Variants in SND1 observed in about 807,000 individuals in gnomAD.
SND1 encodes the protein staphylococcal nuclease domain-containing protein 1.
SND1 carries 38 observed loss-of-function variants against 121.7 expected under a neutral mutation model. The ratio of observed to expected loss-of-function variants is 0.31; its 90% CI spans 0.24 to 0.41. The LOEUF is 0.41. Ranked by LOEUF, SND1 falls within the 10% of genes least tolerant of loss-of-function variation. The pLI is 1.00. For missense variants in SND1, 868 were observed against 1,184.6 expected (o/e 0.73, Z 3.92); for synonymous variants, 401 against 447.4 (o/e 0.90, Z 1.31).
At chr7:127,806,733 G>T (rs1023896106) in intron 10 of SND1, among the ~76,000 whole-genome samples, 3 of 152,318 alleles carry the variant, frequency 2.0e-5, no homozygotes, top group South Asian at 4.1e-4. Context: ...GCAGAGGCAG[G>T]TGGATCATTT....
At chr7:128,032,377 G>A (rs1792651704) in intron 16 of SND1, among the ~76,000 whole-genome samples, 2 of 151,450 alleles carry the variant, frequency 1.3e-5, no homozygotes, top group Non-Finnish European at 3.0e-5. Context: ...GCGGGGCCAG[G>A]GCGAGCGGGC....
intron 11 of SND1, among the ~76,000 whole-genome samples, chr7:127,832,523 G>A (rs1459817295): frequency 2.6e-5 from 4 of 152,216 alleles, no homozygotes; most frequent in Admixed American, 6.5e-5. Context: ...AGATCTGCAC[G>A]TGATAGATCT....
intron 9 of SND1, among the ~76,000 whole-genome samples, chr7:127,714,458 AT>A (rs368767850): frequency 2.0e-5 from 3 of 152,176 alleles, no homozygotes; most frequent in Admixed American, 1.3e-4. Flanking sequence ...GTCTCTGAGA[AT>A]TTTTTTCCTC....
At position 128,086,959 on chromosome 7, in the gene SND1, C is replaced by T. The variant is rs781306917; in HGVS notation, c.2326C>T (p.Arg776Cys). The change falls in exon 21 of 24, where the codon CGC becomes TGC. Residue 776 changes from arginine to cysteine, a missense_variant. This residue lies in a region of SND1 where 743 missense variants were observed against 1,071.3 expected (regional missense o/e 0.69). Coordinates refer to ENST00000354725, the MANE Select transcript of SND1 (RefSeq NM_014390.4). Reference protein sequence around the residue: ...YGNREVLPSTRLGTLSPAFST... With the variant: ...YGNREVLPSTCLGTLSPAFST... Reference sequence around the variant, plus strand: ...GCAGAGAGAGGTCCTGCCATCCACCCGCCTGGGTACCCTATCACCTGCCTT... The same window carrying T: ...GCAGAGAGAGGTCCTGCCATCCACCTGCCTGGGTACCCTATCACCTGCCTT... 25 of 1,614,056 alleles carry T rather than the reference C, an allele frequency of 1.5e-5. No homozygotes were observed. The highest frequency in any genetic ancestry group is 1.8e-5 in the Non-Finnish European group (21 of 1,180,034).
chr7:127,930,980 G>T (rs1337462015), intron 15 of SND1, among the ~76,000 whole-genome samples: 4 of 152,060 alleles, frequency 2.6e-5, no homozygotes, highest in African/African-American at 9.7e-5. Flanking sequence ...TATTATATCT[G>T]TTATGGTGAT....
In SND1 at chr7:128,052,486, C is replaced by T. The variant is rs914139135; in HGVS notation, c.1780-22016C>T. 6.6e-6 allele frequency among the ~76,000 whole-genome samples: 1 copy of T among 152,244 alleles called. No individual in the cohort carries two copies. The highest frequency in any genetic ancestry group is 6.5e-5 in the Admixed American group (1 of 15,288). On this transcript the variant is annotated intron_variant, in intron 16 of 23. Coordinates refer to ENST00000354725, the MANE Select transcript of SND1 (RefSeq NM_014390.4). The surrounding 1 kb of genome is among the most constrained non-coding windows in gnomAD (Gnocchi z 4.6). ...CTCCTTTTCCCCATTGGTGCAATCT[C>T]CTCCTAGCAGCATCTGCTGAAAGGG...
intron 17 of SND1, among the ~76,000 whole-genome samples, chr7:128,080,582 A>G (rs1793581638): frequency 6.6e-6 from 1 of 152,214 alleles, no homozygotes; most frequent in South Asian, 2.1e-4. Context: ...GTCCTGCAGA[A>G]TTCAGAGTGC....
At chr7:127,783,992 G>A (rs890147143) in intron 10 of SND1, among the ~76,000 whole-genome samples, 3 of 152,214 alleles carry the variant, frequency 2.0e-5, no homozygotes, top group Non-Finnish European at 4.4e-5. Flanking sequence ...ACATCTAATG[G>A]ATATTCCAAG....
chr7:128,028,735 C>G (rs1792477855), intron 16 of SND1: 1 of 1,613,950 alleles, frequency 6.2e-7, no homozygotes, highest in African/African-American at 1.3e-5. Context: ...ATATAAGGTT[C>G]AGAGATAGTG....
chr7:127,753,154 TC>T (rs1224169885), intron 10 of SND1, among the ~76,000 whole-genome samples: 24 of 152,328 alleles, frequency 1.6e-4, no homozygotes, highest in Admixed American at 1.1e-3. Flanking sequence ...CAGTGCCTGC[TC>T]TTGGATAATG....
intron 17 of SND1, among the ~76,000 whole-genome samples, chr7:128,076,145 A>G (rs1793503104): frequency 2.0e-5 from 3 of 152,128 alleles, no homozygotes. Flanking sequence ...TCTACCCTCT[A>G]AGAGTAGAGA....
At chr7:127,858,097 T>TC in intron 12 of SND1, 1 of 931,622 alleles carries the variant, frequency 1.1e-6, no homozygotes, top group Non-Finnish European at 1.8e-6. Context: ...GGTCTCCAGT[T>TC]CCCCCTCTGC....
intron 3 of SND1, among the ~76,000 whole-genome samples, chr7:127,695,902 A>G (rs1225365736): frequency 6.6e-6 from 1 of 152,180 alleles, no homozygotes; most frequent in Admixed American, 6.5e-5. Context: ...GCTGGGCCAG[A>G]TGCTTCATGG....
At chr7:127,775,716 A>G (rs1797607553) in intron 10 of SND1, among the ~76,000 whole-genome samples, 1 of 152,000 alleles carries the variant, frequency 6.6e-6, no homozygotes, top group African/African-American at 2.4e-5. Flanking sequence ...TGTTGGTGCT[A>G]GTGAGACTTC....
At chr7:127,854,538 CTATTTATT>C (rs59447282) in intron 12 of SND1, among the ~76,000 whole-genome samples, 40,139 of 145,300 alleles carry the variant, frequency 0.28, 6,783 homozygotes, top group East Asian at 0.64. Context: ...TACTAGCATT[CTATTTATT>C]TATTTATTTA....
chr7:127,834,045 G>A (rs1271480713), intron 11 of SND1, among the ~76,000 whole-genome samples: 1 of 151,718 alleles, frequency 6.6e-6, no homozygotes, highest in Non-Finnish European at 1.5e-5. Context: ...TTTTAAAGCT[G>A]AATAACATTC....
chr7:127,790,869 T>C (rs1378823806), intron 10 of SND1, among the ~76,000 whole-genome samples: 1 of 152,190 alleles, frequency 6.6e-6, no homozygotes, highest in Admixed American at 6.5e-5. Flanking sequence ...CAGTCACATC[T>C]AGGCAGGAGA....
intron 16 of SND1, among the ~76,000 whole-genome samples, chr7:128,040,345 A>G (rs1562879035): frequency 6.8e-6 from 1 of 146,016 alleles, no homozygotes; most frequent in Non-Finnish European, 1.5e-5. Flanking sequence ...AGGTGGGGGA[A>G]TTGCTTGAGC....
chr7:127,880,453 T>G (rs2116716219), intron 12 of SND1, among the ~76,000 whole-genome samples: 1 of 152,278 alleles, frequency 6.6e-6, no homozygotes, highest in Non-Finnish European at 1.5e-5. Flanking sequence ...ACCCTATTAA[T>G]TATATTTCAT....
Sources: allele counts gnomAD v4.1 joint callset (sites outside exome capture counted in the v4.1 genomes callset), GRCh38; gene constraint gnomAD v4.1.1; regional missense constraint gnomAD v4.1.1; non-coding constraint Gnocchi (gnomAD v3.1); transcripts MANE v1.5; gene names NCBI Gene and HGNC (gene_info 2026-07-23, HGNC 2026-07-21).